RBMS3: variants seen among roughly 807,000 people sequenced by gnomAD.
RBMS3 encodes the protein RNA-binding motif, single-stranded-interacting protein 3.
RBMS3 carries 27 observed loss-of-function variants against 66.8 expected under a neutral mutation model. The ratio of observed to expected loss-of-function variants is 0.40; its 90% confidence interval spans 0.30 to 0.56. The LOEUF (loss-of-function observed/expected upper bound fraction) is 0.56, where lower values mean the gene tolerates loss of function less well. Ranked by LOEUF, RBMS3 falls within the 20% of genes least tolerant of loss-of-function variation. The pLI is 0.40. For missense variants in RBMS3, 513 were observed against 549.5 expected, an observed-to-expected ratio of 0.93 and a Z score of 0.66; for synonymous variants, 188 against 183.0, an observed-to-expected ratio of 1.03 and a Z score of -0.22.
intron 1 of RBMS3, among the ~76,000 whole-genome samples, chr3:29,352,164 T>TAAAAATAAAG (rs2036956278): frequency 6.6e-6 from 1 of 152,104 alleles, no homozygotes; most frequent in Non-Finnish European, 1.5e-5. Context: ...CTATTCTCCC[T>TAAAAATAAAG]TCTTGATTCT....
At chr3:29,401,605 A>C (rs981787718) in intron 1 of RBMS3, among the ~76,000 whole-genome samples, 4 of 152,118 alleles carry the variant, frequency 2.6e-5, no homozygotes, top group African/African-American at 4.8e-5. Context: ...TTGGCTTTTC[A>C]TTTAAACAGT....
intron 7 of RBMS3, among the ~76,000 whole-genome samples, chr3:29,879,427 G>C (rs1378651985): frequency 1.3e-5 from 2 of 151,746 alleles, no homozygotes; most frequent in Non-Finnish European, 2.9e-5. Context: ...GTTAAAATTG[G>C]CTGCAAGAAA....
At chr3:29,954,142 A>T (rs910209415) in intron 12 of RBMS3, among the ~76,000 whole-genome samples, 4 of 150,500 alleles carry the variant, frequency 2.7e-5, no homozygotes, top group Admixed American at 6.6e-5. Flanking sequence ...CAAGATTCTC[A>T]TGGTGCTGGT....
At chr3:29,417,460 T>G (rs989939889) in intron 1 of RBMS3, among the ~76,000 whole-genome samples, 10 of 152,130 alleles carry the variant, frequency 6.6e-5, no homozygotes, top group African/African-American at 2.4e-4. Context: ...CGTTTTTACC[T>G]TCAGTTAGCT....
chr3:29,794,720 C>G (rs2057125540), intron 6 of RBMS3, among the ~76,000 whole-genome samples: 1 of 152,176 alleles, frequency 6.6e-6, no homozygotes, highest in African/African-American at 2.4e-5. Context: ...TGAAGCACTA[C>G]TCGTCTCTGA....
intron 5 of RBMS3, among the ~76,000 whole-genome samples, chr3:29,744,914 G>C (rs1361121090): frequency 6.6e-6 from 1 of 151,972 alleles, no homozygotes; most frequent in East Asian, 1.9e-4. Context: ...AATTTTTTCA[G>C]TGGACTTCAT....
chr3:29,859,685 C>G (rs181348332), intron 6 of RBMS3, among the ~76,000 whole-genome samples: 1 of 152,254 alleles, frequency 6.6e-6, no homozygotes, highest in East Asian at 1.9e-4. Flanking sequence ...TAATTAAATA[C>G]TAAACAGGAT....
At chr3:29,400,818 T>C (rs1370672909) in intron 1 of RBMS3, among the ~76,000 whole-genome samples, 1 of 152,002 alleles carries the variant, frequency 6.6e-6, no homozygotes, top group Non-Finnish European at 1.5e-5. Flanking sequence ...ATGAGAAATA[T>C]CAGGAACTCC....
chr3:29,401,137 C>T (rs369350698), intron 1 of RBMS3, among the ~76,000 whole-genome samples: 1 of 151,970 alleles, frequency 6.6e-6, no homozygotes, highest in Non-Finnish European at 1.5e-5. Context: ...AATTCAATAT[C>T]GATTGAGGCT....
chr3:29,587,235 TTTTTTTTTTTTTTTGTG>T, intron 4 of RBMS3, 30 bp downstream of exon 4: 1 of 750,114 alleles, frequency 1.3e-6, no homozygotes, highest in African/African-American at 2.6e-5. Context: ...GTGTTTTTTT[TTTTTTTTTTTTTTTGTG>T]TGTGTGTGTG....
intron 6 of RBMS3, among the ~76,000 whole-genome samples, chr3:29,864,828 GAAGGGAAGGGAAGGGAAGGGA>G (rs1559749793): frequency 1.5e-5 from 2 of 136,834 alleles, no homozygotes; most frequent in Non-Finnish European, 3.1e-5. Context: ...GGAAGGAAGG[GAAGGGAAGGGAAGGGAAGGGA>G]AAGGGAAGGG....
chr3:29,924,253 C>T (rs2060871030), intron 10 of RBMS3, among the ~76,000 whole-genome samples: 1 of 152,182 alleles, frequency 6.6e-6, no homozygotes, highest in Non-Finnish European at 1.5e-5. Context: ...ATTCCTTGCT[C>T]ATTTATTATT....
chr3:29,559,061 A>G (rs886719871), intron 3 of RBMS3, among the ~76,000 whole-genome samples: 6 of 152,216 alleles, frequency 3.9e-5, no homozygotes, highest in Admixed American at 1.3e-4. Flanking sequence ...AGCTCTTTAC[A>G]GAAAGTGGTT....
rs977490178 is a variant in RBMS3, at chr3:30,008,740, T to C, written c.*4878T>C. ...CATCCACTGTGGCATTGGAAGACAG[T>C]TGGGTCTGACTCAAGTTTAACATTT... On this transcript the variant is annotated 3_prime_UTR_variant, in exon 15 of 15. Transcript: ENST00000383767. 2 of 152,128 alleles carry C rather than the reference T, an allele frequency of 1.3e-5. No individual in the cohort carries two copies. The highest frequency in any genetic ancestry group is 2.1e-4 in the South Asian group (1 of 4,834). The allele number at this position is 152,128 out of a possible 1,614,324, so 9.4% of individuals were successfully genotyped here.
At chr3:29,825,748 G>C (rs1429723492) in intron 6 of RBMS3, among the ~76,000 whole-genome samples, 1 of 152,088 alleles carries the variant, frequency 6.6e-6, no homozygotes, top group Admixed American at 6.6e-5. Flanking sequence ...CTAATACACT[G>C]GTTAAGAAAT....
chr3:29,527,188 A>ATT (rs2045157351), intron 3 of RBMS3, among the ~76,000 whole-genome samples: 1 of 128,410 alleles, frequency 7.8e-6, no homozygotes, highest in Non-Finnish European at 1.6e-5. Context: ...GAGTAAAAAA[A>ATT]AAAAAAAAAA....
chr3:29,630,749 A>G (rs531075893), intron 4 of RBMS3, among the ~76,000 whole-genome samples: 1 of 152,118 alleles, frequency 6.6e-6, no homozygotes, highest in Non-Finnish European at 1.5e-5. Context: ...ACTCTTGGTG[A>G]TTCTTATGTT....
intron 14 of RBMS3, among the ~76,000 whole-genome samples, chr3:29,999,702 G>C (rs1204791510): frequency 6.6e-6 from 1 of 151,094 alleles, no homozygotes; most frequent in Non-Finnish European, 1.5e-5. Context: ...GGTGGGAATT[G>C]AACAATGAGA....
At chr3:29,415,947 G>A (rs2040461741) in intron 1 of RBMS3, among the ~76,000 whole-genome samples, 1 of 152,110 alleles carries the variant, frequency 6.6e-6, no homozygotes, top group African/African-American at 2.4e-5. Context: ...CAGGAAAAGT[G>A]TCCAAAAAAG....
Sources: gnomAD v4.1 joint callset for allele counts (sites outside exome capture counted in the v4.1 genomes callset) on GRCh38, gnomAD v4.1.1 for gene constraint, MANE v1.5 for transcripts, NCBI Gene and HGNC (gene_info 2026-07-23, HGNC 2026-07-21) for gene names.